The following PAM16 variants were observed in gnomAD, a reference collection of about 807,000 sequenced individuals.
PAM16 encodes presequence translocase associated motor 16.
A neutral mutation model predicts 17.9 loss-of-function variants in PAM16; 11 were observed. That is an observed-to-expected ratio of 0.62 (90% CI 0.39 to 1.02). The LOEUF (loss-of-function observed/expected upper bound fraction) is 1.02, where lower values mean the gene tolerates loss of function less well. PAM16 is among the 50% of genes least tolerant of loss of function. The probability of loss-of-function intolerance (pLI) is 0.01; values close to 1 mark genes in which losing one functional copy is unlikely to be tolerated. For synonymous variants in PAM16, 72 were observed against 67.4 expected, an observed-to-expected ratio of 1.07 and a Z score of -0.34; for missense variants, 199 against 165.4, an observed-to-expected ratio of 1.20 and a Z score of -1.11.
At chr16:4,344,101 C>T in intron 1 of PAM16, 1 of 397,382 alleles carries the variant, frequency 2.5e-6, no homozygotes, top group Non-Finnish European at 4.4e-6. Flanking sequence ...ATTCCATGCC[C>T]CGCAGAGGCC....
At chr16:4,350,368 G>C (rs1415498948) in intron 1 of PAM16, among the ~76,000 whole-genome samples, 1 of 149,182 alleles carries the variant, frequency 6.7e-6, no homozygotes, top group Non-Finnish European at 1.5e-5. Context: ...ATAATATGTA[G>C]TATACATAAA....
chr16:4,341,740 C>A, intron 2 of PAM16: 1 of 634,810 alleles, frequency 1.6e-6, no homozygotes, highest in Admixed American at 3.1e-5. Context: ...AATCCTGGCT[C>A]CTGGTCCCCA....
At chr16:4,348,821 AATT>A (rs755079219) in intron 1 of PAM16, among the ~76,000 whole-genome samples, 3 of 150,990 alleles carry the variant, frequency 2.0e-5, no homozygotes, top group African/African-American at 4.9e-5. Flanking sequence ...ATGCCCGGCT[AATT>A]TTTTGTATTT....
intron 1 of PAM16, chr16:4,347,657 G>A (rs2053778970): frequency 6.6e-6 from 1 of 152,314 alleles, no homozygotes; most frequent in Admixed American, 6.5e-5. Flanking sequence ...CTCATTCACA[G>A]GGAGCAGAGC....
intron 1 of PAM16, chr16:4,345,184 G>A (rs572187870): frequency 2.1e-4 from 32 of 152,252 alleles, no homozygotes; most frequent in African/African-American, 6.0e-4. Flanking sequence ...AAGCTCATGT[G>A]GCACAGCCGA....
At chr16:4,341,893 C>G (rs1340722240) in intron 2 of PAM16, among the ~76,000 whole-genome samples, 4 of 152,186 alleles carry the variant, frequency 2.6e-5, no homozygotes, top group African/African-American at 9.6e-5. Flanking sequence ...GCCCACCTGT[C>G]ACCTAGACCA....
chr16:4,341,618 G>C (rs371753404), intron 2 of PAM16, 114 bp from the exon 3 acceptor site: 1 of 1,459,318 alleles, frequency 6.9e-7, no homozygotes, highest in Non-Finnish European at 9.1e-7. Context: ...CACAGGGACA[G>C]GTGGCTAGGA....
rs185435438 is a variant in PAM16, at chr16:4,350,226, C to T, written c.3+1006G>A. 2.0e-3 allele frequency among the ~76,000 whole-genome samples: 303 copies of T among 151,310 alleles called. 1 individual carries two copies. Among genetic ancestry groups the T allele is most frequent in the African/African-American group, 6.9e-3 (286 of 41,158 alleles). On this transcript the variant is annotated intron_variant, in intron 1 of 4. Transcript: ENST00000318059. Reference sequence around the variant, plus strand: ...GCCTCCTGGGTTCAAGCGATACTGGCGCCTCAACTTCCCAAGCAGCTGGGA... The same window carrying T: ...GCCTCCTGGGTTCAAGCGATACTGGTGCCTCAACTTCCCAAGCAGCTGGGA...
At chr16:4,341,027 G>A (rs370436559) in intron 3 of PAM16, 42 bp from the exon 4 acceptor site, 7 of 1,611,312 alleles carry the variant, frequency 4.3e-6, no homozygotes, top group Non-Finnish European at 5.9e-6. Flanking sequence ...GCAGACTGCA[G>A]GCAAGAGATG....
At chr16:4,350,983 G>C (rs2053846687) in intron 1 of PAM16, 1 of 311,550 alleles carries the variant, frequency 3.2e-6, no homozygotes, top group Non-Finnish European at 5.9e-6. Flanking sequence ...GCTCACACGC[G>C]GGCTAGGCAC....
intron 1 of PAM16, chr16:4,348,015 T>C (rs1192576288): frequency 3.3e-5 from 5 of 152,306 alleles, no homozygotes; most frequent in Non-Finnish European, 1.5e-5. Flanking sequence ...GAGATTCGCG[T>C]GCAATGCGCC....
intron 1 of PAM16, chr16:4,350,864 TG>T (rs2053843295): frequency 4.9e-6 from 1 of 202,658 alleles, no homozygotes; most frequent in Non-Finnish European, 9.8e-6. Context: ...AGCTTTCCAC[TG>T]GGGATAACAA....
intron 1 of PAM16, among the ~76,000 whole-genome samples, chr16:4,348,856 C>T (rs1303487010): frequency 2.0e-5 from 3 of 151,670 alleles, no homozygotes; most frequent in Non-Finnish European, 2.9e-5. Flanking sequence ...AGGGTTTCAC[C>T]GTGTTGCCCA....
At chr16:4,350,310 GTA>G (rs763454455) in intron 1 of PAM16, among the ~76,000 whole-genome samples, 6 of 147,770 alleles carry the variant, frequency 4.1e-5, no homozygotes, top group East Asian at 2.0e-4. Context: ...GTGTGTGTGT[GTA>G]TATATATATA....
chr16:4,346,799 AACCTCC>A (rs1251475970), intron 1 of PAM16: 1 of 151,734 alleles, frequency 6.6e-6, no homozygotes, highest in Non-Finnish European at 1.5e-5. Flanking sequence ...GGCTCATTGC[AACCTCC>A]ACCTCACCAG....
chr16:4,349,154 A>T (rs2053807452), intron 1 of PAM16, among the ~76,000 whole-genome samples: 1 of 150,336 alleles, frequency 6.7e-6, no homozygotes, highest in Non-Finnish European at 1.5e-5. Flanking sequence ...ACGGGGTTTC[A>T]CCATGTTAGC....
intron 1 of PAM16, among the ~76,000 whole-genome samples, chr16:4,350,234 C>A (rs1180589655): frequency 6.6e-6 from 1 of 151,640 alleles, no homozygotes; most frequent in Non-Finnish European, 1.5e-5. Flanking sequence ...GGCGCCTCAA[C>A]TTCCCAAGCA....
At chr16:4,345,840 T>C (rs2053749774) in intron 1 of PAM16, 1 of 985,256 alleles carries the variant, frequency 1.0e-6, no homozygotes, top group Non-Finnish European at 1.2e-6. Context: ...GGCTCAGGGA[T>C]GGGATGCTGG....
At position 4,349,296 on chromosome 16, in the gene PAM16, G is replaced by A. The variant is rs1023632111; in HGVS notation, c.3+1936C>T. ...GTTAATATACTGTCATGCTGGGTGC[G>A]GTGGCTCACGCCTATAATCCCAGCA... On this transcript the variant is annotated intron_variant, in intron 1 of 4. Transcript: ENST00000318059. 1.4e-4 allele frequency among the ~76,000 whole-genome samples: 21 copies of A among 152,176 alleles called. 1 individual carries two copies. Among genetic ancestry groups the A allele is most frequent in the South Asian group, 2.1e-4 (1 of 4,822 alleles).
Sources: gnomAD v4.1 joint callset for allele counts (sites outside exome capture counted in the v4.1 genomes callset) on GRCh38, gnomAD v4.1.1 for gene constraint, MANE v1.5 for transcripts, NCBI Gene and HGNC (gene_info 2026-07-23, HGNC 2026-07-21) for gene names.